Variants in PNPLA1 observed in about 807,000 individuals in gnomAD.
The protein encoded by PNPLA1 is omega-hydroxyceramide transacylase.
In PNPLA1, 36 loss-of-function variants were observed where a neutral mutation model predicts 51.7. That is an observed-to-expected ratio of 0.70 (90% CI 0.53 to 0.92). The LOEUF (loss-of-function observed/expected upper bound fraction) is 0.92. PNPLA1 is among the 40% of genes least tolerant of loss of function. The pLI is 0.00. For synonymous variants in PNPLA1, 293 were observed against 280.1 expected (o/e 1.05, Z -0.46); for missense variants, 658 against 682.5 (o/e 0.96, Z 0.40).
At chr6:36,261,682 G>C (rs1582035949) in intron 1 of PNPLA1, among the ~76,000 whole-genome samples, 1 of 152,316 alleles carries the variant, frequency 6.6e-6, no homozygotes, top group African/African-American at 2.4e-5. Context: ...GTAAGCACTT[G>C]CCATGTGCCA....
At chr6:36,304,234 T>C (rs114052580) in intron 6 of PNPLA1, among the ~76,000 whole-genome samples, 209 of 152,228 alleles carry the variant, frequency 1.4e-3, no homozygotes, top group African/African-American at 4.5e-3. Flanking sequence ...GCTATTATGG[T>C]AAACGTCACA....
chr6:36,296,801 G>T (rs1020701483), intron 5 of PNPLA1, among the ~76,000 whole-genome samples: 2 of 152,080 alleles, frequency 1.3e-5, no homozygotes, highest in Non-Finnish European at 2.9e-5. Context: ...GTGACCTCCG[G>T]ATAATTGCTT....
chr6:36,244,603 GCACATCTGTCAGATAA>G (rs1769224527), intron 1 of PNPLA1, among the ~76,000 whole-genome samples: 1 of 152,212 alleles, frequency 6.6e-6, no homozygotes, highest in Non-Finnish European at 1.5e-5. Context: ...GGCATGAGCA[GCACATCTGTCAGATAA>G]CACATCTGTC....
chr6:36,244,398 T>C (rs1282094129), intron 1 of PNPLA1, among the ~76,000 whole-genome samples: 2 of 152,038 alleles, frequency 1.3e-5, no homozygotes, highest in Non-Finnish European at 2.9e-5. Flanking sequence ...TGTTTGGCAC[T>C]GAGGGTTTTG....
At chr6:36,292,354 C>A (rs1221499237) in intron 2 of PNPLA1, among the ~76,000 whole-genome samples, 1 of 152,104 alleles carries the variant, frequency 6.6e-6, no homozygotes, top group Non-Finnish European at 1.5e-5. Flanking sequence ...CTCACGCCCA[C>A]CCCCGTTCTG....
intron 5 of PNPLA1, among the ~76,000 whole-genome samples, chr6:36,297,067 C>T (rs1013403720): frequency 2.0e-5 from 3 of 152,138 alleles, no homozygotes; most frequent in African/African-American, 7.2e-5. Flanking sequence ...CAGTCAGTCC[C>T]GCCTACTGCT....
chr6:36,264,787 C>T (rs1296751782), intron 1 of PNPLA1, among the ~76,000 whole-genome samples: 1 of 152,160 alleles, frequency 6.6e-6, no homozygotes, highest in East Asian at 1.9e-4. Context: ...AAAAAAGATA[C>T]TATTTAGACT....
intron 1 of PNPLA1, among the ~76,000 whole-genome samples, chr6:36,245,166 G>T (rs1769240781): frequency 6.6e-6 from 1 of 152,182 alleles, no homozygotes; most frequent in African/African-American, 2.4e-5. Context: ...TGGCCTGTGG[G>T]TGTGACTTCC....
chr6:36,307,738 T>A, intron 8 of PNPLA1, 26 bp downstream of exon 8: 3 of 1,612,288 alleles, frequency 1.9e-6, no homozygotes, highest in South Asian at 1.1e-5. Flanking sequence ...GTTCCTTAAA[T>A]CCCACGGAGA....
intron 1 of PNPLA1, among the ~76,000 whole-genome samples, chr6:36,249,753 C>T (rs1769381408): frequency 6.6e-6 from 1 of 152,218 alleles, no homozygotes; most frequent in South Asian, 2.1e-4. Flanking sequence ...TGTTTCATCA[C>T]TTACTAGCTG....
intron 1 of PNPLA1, among the ~76,000 whole-genome samples, chr6:36,290,455 C>T (rs193292728): frequency 6.6e-5 from 10 of 152,280 alleles, no homozygotes; most frequent in African/African-American, 1.7e-4. Context: ...AACTGGCTGA[C>T]GCTGACCCTG....
At chr6:36,298,189 G>C (rs1216837653) in intron 5 of PNPLA1, among the ~76,000 whole-genome samples, 1 of 152,176 alleles carries the variant, frequency 6.6e-6, no homozygotes, top group East Asian at 1.9e-4. Context: ...TCTACCAAAA[G>C]AGTTGAATAT....
chr6:36,293,172 CT>C, intron 3 of PNPLA1, 46 bp downstream of exon 3: 4 of 1,579,970 alleles, frequency 2.5e-6, no homozygotes, highest in Non-Finnish European at 3.5e-6. Context: ...TCCAAGGGAC[CT>C]CGGGTCCCTG....
intron 1 of PNPLA1, among the ~76,000 whole-genome samples, chr6:36,249,003 G>C (rs1769366331): frequency 6.6e-6 from 1 of 152,184 alleles, no homozygotes; most frequent in Non-Finnish European, 1.5e-5. Context: ...GAGGTAACTT[G>C]CTCTTACAGA....
At chr6:36,255,087 G>GT (rs1769501050) in intron 1 of PNPLA1, among the ~76,000 whole-genome samples, 1 of 152,110 alleles carries the variant, frequency 6.6e-6, no homozygotes, top group Non-Finnish European at 1.5e-5. Flanking sequence ...ATAAACAGAG[G>GT]TTTTAAAAAA....
Position 36,311,854 on chromosome 6 carries a change from T to A in PNPLA1, c.1687T>A (p.Cys563Ser), listed in dbSNP as rs572154111. Reference protein sequence around the residue: ...YRPHPSRIQECCPEVWNSLG With the variant: ...YRPHPSRIQESCPEVWNSLG ...ACCTCATCCCAGCCGGATCCAGGAA[T>A]GCTGCCCTGAAGTGTGGAATTCCTT... Residue 563 changes from cysteine (C) to serine (S), a missense_variant, in exon 9 of 9, where the codon TGC (cysteine) becomes AGC (serine). By Grantham distance (112) the Cys-to-Ser change is moderately radical. Coordinates refer to ENST00000636260, the MANE Select transcript of PNPLA1 (RefSeq NM_001374623.1). 3 of 152,856 alleles carry A rather than the reference T, an allele frequency of 2.0e-5. No individual in the cohort carries two copies. The South Asian group carries it at 6.2e-4, about 32-fold the overall frequency. 9.5% of individuals were successfully genotyped at this position (152,856 alleles called of 1,614,324 possible).
At chr6:36,293,440 G>T (rs924356202) in intron 3 of PNPLA1, among the ~76,000 whole-genome samples, 1 of 152,194 alleles carries the variant, frequency 6.6e-6, no homozygotes, top group Non-Finnish European at 1.5e-5. Context: ...CTGGGACCTG[G>T]AAACTCAAAT....
At chr6:36,273,728 CAAAAA>C (rs57186870) in intron 1 of PNPLA1, among the ~76,000 whole-genome samples, 7 of 48,216 alleles carry the variant, frequency 1.5e-4, no homozygotes, top group South Asian at 3.0e-3. Flanking sequence ...GACCCCATCG[CAAAAA>C]AAAAAAAAAA....
intron 5 of PNPLA1, among the ~76,000 whole-genome samples, chr6:36,301,315 C>T (rs1391472792): frequency 6.6e-6 from 1 of 152,082 alleles, no homozygotes; most frequent in Non-Finnish European, 1.5e-5. Context: ...AAAAGTCATG[C>T]TACAATAATG....
Sources: allele counts gnomAD v4.1 joint callset (sites outside exome capture counted in the v4.1 genomes callset), GRCh38; gene constraint gnomAD v4.1.1; transcripts MANE v1.5; gene names NCBI Gene and HGNC (gene_info 2026-07-23, HGNC 2026-07-21).